The following MTSS1 variants were observed in gnomAD, a reference collection of about 807,000 sequenced individuals.
MTSS1 encodes protein MTSS 1.
A neutral mutation model predicts 79.0 loss-of-function variants in MTSS1; 18 were observed. That is an observed-to-expected ratio of 0.23 (90% CI 0.16 to 0.34). The LOEUF is 0.34. Ranked by LOEUF, MTSS1 falls within the 10% of genes least tolerant of loss-of-function variation. The pLI is 1.00. For missense variants in MTSS1, 815 were observed against 986.2 expected (o/e 0.83, Z 2.33); for synonymous variants, 341 against 368.6 (o/e 0.93, Z 0.86).
rs148080981 is a variant in MTSS1 at position 124,598,042 on chromosome 8, G to A, written c.209-6807C>T. On this transcript the variant is annotated intron_variant, in intron 3 of 13. Transcript: ENST00000518547. ...AATCCCAACACTCTGGAAGGCTGAGGCAGGAGGATCACTTAAGTTTGGTCT... is the reference window on the plus strand; with the variant it reads ...AATCCCAACACTCTGGAAGGCTGAGACAGGAGGATCACTTAAGTTTGGTCT... 2.0e-5 allele frequency among the ~76,000 whole-genome samples: 3 copies of A among 152,280 alleles called. No individual in the cohort carries two copies. The East Asian group carries it at 5.8e-4, about 29-fold the overall frequency.
At chr8:124,689,176 C>G (rs949347422) in intron 3 of MTSS1, among the ~76,000 whole-genome samples, 4 of 152,094 alleles carry the variant, frequency 2.6e-5, no homozygotes, top group Non-Finnish European at 5.9e-5. Context: ...GCAGAGGACA[C>G]AAGCGCAGGT....
chr8:124,716,741 G>A (rs1351126688), intron 1 of MTSS1, among the ~76,000 whole-genome samples: 1 of 152,114 alleles, frequency 6.6e-6, no homozygotes, highest in African/African-American at 2.4e-5. Flanking sequence ...ATGTCCCTTT[G>A]CGCCCTTGGA....
At chr8:124,596,370 C>T (rs981569767) in intron 3 of MTSS1, among the ~76,000 whole-genome samples, 3 of 152,160 alleles carry the variant, frequency 2.0e-5, no homozygotes, top group Non-Finnish European at 2.9e-5. Context: ...AAACATAACC[C>T]GATTCAACGT....
chr8:124,727,433 G>T lies in MTSS1; in HGVS notation c.72+451C>A. On this transcript the variant is annotated intron_variant, in intron 1 of 13. Transcript: ENST00000518547. The surrounding 1 kb of genome is among the most constrained non-coding windows in gnomAD (Gnocchi z 4.7). ...TCCCTCTCAGTCTCCTAGGCTAGGG[G>T]ACTCCTTCCTGCGAGCGGGCAGAGC... 2.4e-6 allele frequency: 1 copy of T among 412,974 alleles called. No homozygotes were observed. Among genetic ancestry groups the T allele is most frequent in the South Asian group, 1.8e-5 (1 of 55,696 alleles). The allele number at this position is 412,974 out of a possible 1,614,324, so 25.6% of individuals were successfully genotyped here. A position where few individuals can be genotyped will look rare whatever the true frequency, so the allele number is the denominator to read the frequency against.
Position 124,658,611 on chromosome 8 carries a change from C to T in MTSS1, c.208+40915G>A, listed in dbSNP as rs111989799. Among the ~76,000 whole-genome samples, 399 of 152,316 alleles carry T rather than the reference C, an allele frequency of 2.6e-3. 1 individual carries two copies. The highest frequency in any genetic ancestry group is 4.2e-3 in the Non-Finnish European group (288 of 68,030). Reference sequence around the variant, plus strand: ...CTGGGGAGGTCTCAGGGAATGTTTACTCATGGCAGAATGCAAAGAGGGAGC... The same window carrying T: ...CTGGGGAGGTCTCAGGGAATGTTTATTCATGGCAGAATGCAAAGAGGGAGC... On this transcript the variant is annotated intron_variant, in intron 3 of 13. Coordinates refer to ENST00000518547, the MANE Select transcript of MTSS1 (RefSeq NM_014751.6).
intron 6 of MTSS1, among the ~76,000 whole-genome samples, chr8:124,578,368 T>G (rs1829386591): frequency 1.3e-5 from 2 of 152,056 alleles, no homozygotes; most frequent in African/African-American, 4.8e-5. Context: ...CACGCTGTCC[T>G]CTCCACCTTG....
At chr8:124,645,322 G>C (rs1217343395) in intron 3 of MTSS1, among the ~76,000 whole-genome samples, 1 of 152,202 alleles carries the variant, frequency 6.6e-6, no homozygotes, top group South Asian at 2.1e-4. Context: ...GAGCCCAAGA[G>C]GTTGCAGTGA....
chr8:124,604,086 G>A lies in MTSS1; in HGVS notation c.209-12851C>T, dbSNP rs1361611873. ...AAATTAGCTGGGCGTGGAGGCAGGCGCCTGTAATCCCAGCTACTCAGGAAG... is the reference window on the plus strand; with the variant it reads ...AAATTAGCTGGGCGTGGAGGCAGGCACCTGTAATCCCAGCTACTCAGGAAG... On this transcript the variant is annotated intron_variant, in intron 3 of 13. Coordinates refer to ENST00000518547, the MANE Select transcript of MTSS1 (RefSeq NM_014751.6). Among the ~76,000 whole-genome samples the A allele has an allele frequency of 3.9e-5, 6 of 152,228 alleles. 1 individual carries two copies. Among genetic ancestry groups the A allele is most frequent in the Admixed American group, 3.3e-4 (5 of 15,290 alleles).
At chr8:124,623,489 C>T (rs1814015024) in intron 3 of MTSS1, among the ~76,000 whole-genome samples, 1 of 152,218 alleles carries the variant, frequency 6.6e-6, no homozygotes, top group African/African-American at 2.4e-5. Flanking sequence ...CCCCAAACAA[C>T]TCATCTGTCC....
chr8:124,581,058 A>G (rs535327606), intron 6 of MTSS1, among the ~76,000 whole-genome samples: 9 of 152,246 alleles, frequency 5.9e-5, no homozygotes, highest in Non-Finnish European at 1.2e-4. Flanking sequence ...TATTACATTT[A>G]TAACATTGGC....
chr8:124,665,375 C>A (rs191868501), intron 3 of MTSS1, among the ~76,000 whole-genome samples: 20 of 152,384 alleles, frequency 1.3e-4, no homozygotes, highest in African/African-American at 4.3e-4. Context: ...GAGTTCGTAA[C>A]ATTTCATCCA....
At chr8:124,602,207 A>ACACACACACACACATATATATATATAT in intron 3 of MTSS1, among the ~76,000 whole-genome samples, 22 of 142,168 alleles carry the variant, frequency 1.5e-4, no homozygotes, top group Non-Finnish European at 2.3e-4. Flanking sequence ...ATATATATAT[A>ACACACACACACACATATATATATATAT]ATTTTTTTTT....
intron 1 of MTSS1, 62 bp from the exon 2 acceptor site, chr8:124,704,253 C>T (rs1164294942): frequency 1.4e-6 from 2 of 1,383,338 alleles, no homozygotes; most frequent in Non-Finnish European, 2.1e-6. Flanking sequence ...ACTACATTAA[C>T]AGAGCACCCA....
chr8:124,698,506 CTTTTTTTTTTTTTTTTT>C (rs148481676), intron 3 of MTSS1, among the ~76,000 whole-genome samples: 5 of 124,772 alleles, frequency 4.0e-5, no homozygotes, highest in African/African-American at 1.5e-4. Context: ...TGTTGCTTTT[CTTTTTTTTTTTTTTTTT>C]TTTGAGACAG....
At chr8:124,674,900 C>T (rs1218076340) in intron 3 of MTSS1, among the ~76,000 whole-genome samples, 2 of 151,812 alleles carry the variant, frequency 1.3e-5, no homozygotes, top group Non-Finnish European at 2.9e-5. Context: ...TTTTGTATTT[C>T]TAGTAGAGAC....
chr8:124,717,663 TC>T, intron 1 of MTSS1, among the ~76,000 whole-genome samples: 1 of 152,300 alleles, frequency 6.6e-6, no homozygotes, highest in South Asian at 2.1e-4. Context: ...CACTGCATAC[TC>T]CGGTCTGGGG....
At chr8:124,685,058 A>T (rs1826737363) in intron 3 of MTSS1, among the ~76,000 whole-genome samples, 1 of 152,216 alleles carries the variant, frequency 6.6e-6, no homozygotes, top group Non-Finnish European at 1.5e-5. Flanking sequence ...AAATAAATAA[A>T]TATAAACCAA....
At chr8:124,610,503 G>A (rs527972331) in intron 3 of MTSS1, among the ~76,000 whole-genome samples, 1 of 152,314 alleles carries the variant, frequency 6.6e-6, no homozygotes, top group Admixed American at 6.5e-5. Context: ...AGTCAGCCCT[G>A]GGATTTCTTA....
Position 124,727,648 on chromosome 8 carries a change from G to A in MTSS1, c.72+236C>T, listed in dbSNP as rs1326325461. The A allele has an allele frequency of 6.1e-6, 4 of 658,912 alleles. No homozygotes were observed. The highest frequency in any genetic ancestry group is 1.5e-5 in the South Asian group (1 of 66,366). The allele number at this position is 658,912 out of a possible 1,614,324, so 40.8% of individuals were successfully genotyped here. ...GTGCCGCCCCCTGGGACAATGAGCG[G>A]GGGAGATGGCGTGGGACAGCAGACA... On this transcript the variant is annotated intron_variant, in intron 1 of 13. Transcript: ENST00000518547. The surrounding 1 kb of genome is among the most constrained non-coding windows in gnomAD (Gnocchi z 4.7).
Sources: allele counts gnomAD v4.1 joint callset (sites outside exome capture counted in the v4.1 genomes callset), GRCh38; gene constraint gnomAD v4.1.1; non-coding constraint Gnocchi (gnomAD v3.1); transcripts MANE v1.5; gene names NCBI Gene and HGNC (gene_info 2026-07-23, HGNC 2026-07-21).